The following GLB1 variants were observed in gnomAD, a reference collection of about 807,000 sequenced individuals.
The protein encoded by GLB1 is galactosidase beta 1.
Under a neutral mutation model 74.0 loss-of-function variants are expected in GLB1, and 56 were observed. That is an observed-to-expected ratio of 0.76 (90% CI 0.61 to 0.94). The LOEUF (loss-of-function observed/expected upper bound fraction) is 0.94. Ranked by LOEUF, GLB1 falls within the 40% of genes least tolerant of loss-of-function variation. GLB1 has a pLI of 0.00. For synonymous variants in GLB1, 323 were observed against 323.6 expected (o/e 1.00, Z 0.02); for missense variants, 787 against 845.5 (o/e 0.93, Z 0.86).
the GLB1 span, among the ~76,000 whole-genome samples, chr3:32,980,220 C>A: frequency 2.0e-5 from 3 of 152,274 alleles, no homozygotes; most frequent in African/African-American, 7.2e-5. Context: ...TCCCTCCTTA[C>A]TTAAATTTTT....
intron 5 of GLB1, among the ~76,000 whole-genome samples, chr3:33,064,941 A>G (rs886268412): frequency 6.6e-6 from 1 of 152,174 alleles, no homozygotes; most frequent in African/African-American, 2.4e-5. Context: ...CACATAGAAG[A>G]AGGAGAATGG....
the GLB1 span, among the ~76,000 whole-genome samples, chr3:32,979,956 G>T: frequency 2.6e-4 from 39 of 150,876 alleles, no homozygotes; most frequent in Non-Finnish European, 4.1e-4. Context: ...CATAATAATT[G>T]TACATATTTA....
intron 1 of GLB1, among the ~76,000 whole-genome samples, chr3:33,075,901 C>T (rs1311242039): frequency 2.6e-5 from 4 of 151,856 alleles, no homozygotes; most frequent in Non-Finnish European, 5.9e-5. Flanking sequence ...AAAAATTAGC[C>T]GGGCGTGGTG....
In GLB1 at chr3:33,016,854, G is replaced by T; in HGVS notation, c.1348-14C>A. 1 of 1,613,508 alleles carries T rather than the reference G, an allele frequency of 6.2e-7. No individual in the cohort carries two copies. Among genetic ancestry groups the T allele is most frequent in the Non-Finnish European group, 8.5e-7 (1 of 1,179,570 alleles). On this transcript the variant is annotated splice_polypyrimidine_tract_variant and intron_variant, in intron 13 of 15. Transcript: ENST00000307363. The stretch of plus-strand genomic sequence containing the variant: ...TCCCTGGGGGATCTGTGGGGTTCAA[G>T]ACCAAATGACAATTGAATTGAGGGT...
intron 6 of GLB1, among the ~76,000 whole-genome samples, chr3:33,056,053 C>A (rs898525219): frequency 6.6e-6 from 1 of 151,242 alleles, no homozygotes; most frequent in Non-Finnish European, 1.5e-5. Context: ...CATGGTGAAA[C>A]CCTGTCTCTA....
At chr3:32,970,904 T>C in the GLB1 span, among the ~76,000 whole-genome samples, 1 of 152,344 alleles carries the variant, frequency 6.6e-6, no homozygotes, top group Non-Finnish European at 1.5e-5. Flanking sequence ...AGAGAGCTTA[T>C]AGCTCAAACC....
intron 5 of GLB1, among the ~76,000 whole-genome samples, chr3:33,063,172 G>A (rs1010435888): frequency 4.6e-5 from 7 of 152,078 alleles, no homozygotes; most frequent in South Asian, 4.1e-4. Context: ...ATGAAAAAGT[G>A]CTCATGACAA....
intron 6 of GLB1, 62 bp from the exon 7 acceptor site, chr3:33,053,611 AGAGCCCTTCATGGGACTC>A: frequency 6.2e-7 from 1 of 1,609,328 alleles, no homozygotes; most frequent in South Asian, 1.1e-5. Context: ...TTAAATAACA[AGAGCCCTTCATGGGACTC>A]GGGCCTGAAG....
chr3:33,081,516 T>C (rs938194724), intron 1 of GLB1, among the ~76,000 whole-genome samples: 5 of 152,282 alleles, frequency 3.3e-5, no homozygotes, highest in Admixed American at 2.0e-4. Flanking sequence ...CCCCACTACC[T>C]GGCTCTATTC....
intron 1 of GLB1, chr3:33,092,136 G>C (rs1360589747): frequency 1.0e-6 from 1 of 985,254 alleles, no homozygotes; most frequent in Non-Finnish European, 1.2e-6. Context: ...CACCATCACC[G>C]ACCATGGCGC....
At position 33,024,279 on chromosome 3, in the gene GLB1, A is replaced by T; in HGVS notation, c.1115T>A (p.Phe372Tyr). ...TTCCAAAGTGACCTTTCCATATGCAAACTTTGGTGTAGATGGAGGGATAGG... is the reference window on the plus strand; with the variant it reads ...TTCCAAAGTGACCTTTCCATATGCATACTTTGGTGTAGATGGAGGGATAGG... ...EGPIPPSTPK[F>Y]AYGKVTLEKL... The change falls in exon 11 of 16, where the codon TTT becomes TAT. Residue 372 changes from phenylalanine (F) to tyrosine (Y), a missense_variant. Transcript: ENST00000307363. The T allele has an allele frequency of 6.2e-7, 1 of 1,613,300 alleles. No homozygotes were observed. The highest frequency in any genetic ancestry group is 1.1e-5 in the South Asian group (1 of 90,992).
intron 10 of GLB1, among the ~76,000 whole-genome samples, chr3:33,032,697 A>G (rs1010331482): frequency 2.0e-5 from 3 of 152,178 alleles, no homozygotes; most frequent in Admixed American, 6.5e-5. Flanking sequence ...TGCTGGGGTT[A>G]CAGGCAAGAG....
At chr3:32,972,240 G>T in the GLB1 span, among the ~76,000 whole-genome samples, 2,417 of 152,174 alleles carry the variant, frequency 0.016, 65 homozygotes, top group African/African-American at 0.055. Context: ...TAGATTTATT[G>T]GCAATCCAAG....
At chr3:33,088,368 TACACACACACAC>T (rs55949952) in intron 1 of GLB1, among the ~76,000 whole-genome samples, 56 of 141,818 alleles carry the variant, frequency 3.9e-4, no homozygotes, top group East Asian at 1.2e-3. Context: ...CCCTAAAGAC[TACACACACACAC>T]ACACACACAC....
chr3:32,981,901 T>G, the GLB1 span, among the ~76,000 whole-genome samples: 1 of 152,280 alleles, frequency 6.6e-6, no homozygotes, highest in African/African-American at 2.4e-5. Flanking sequence ...TCATATGTTT[T>G]CAACTTGATT....
chr3:33,018,272 C>A (rs925140431), intron 13 of GLB1, among the ~76,000 whole-genome samples, 176 bp downstream of exon 13: 1 of 96,146 alleles, frequency 1.0e-5, no homozygotes, highest in South Asian at 3.7e-4. Flanking sequence ...GGCAACAGAG[C>A]AAAACCCTGT....
At chr3:33,094,971 G>A (rs919425701) in intron 1 of GLB1, among the ~76,000 whole-genome samples, 5 of 152,208 alleles carry the variant, frequency 3.3e-5, no homozygotes, top group Admixed American at 3.3e-4. Flanking sequence ...AGCACTTTGG[G>A]AGGCCGAGGC....
At chr3:33,025,193 C>T (rs956591276) in intron 10 of GLB1, among the ~76,000 whole-genome samples, 8 of 152,350 alleles carry the variant, frequency 5.3e-5, no homozygotes, top group Admixed American at 4.6e-4. Flanking sequence ...GATCCGCCCG[C>T]CTCAGCCTCC....
the GLB1 span, among the ~76,000 whole-genome samples, chr3:32,961,764 T>C: frequency 1.3e-5 from 2 of 152,258 alleles, no homozygotes; most frequent in East Asian, 1.9e-4. Flanking sequence ...TGATAAAATA[T>C]GTCTATCTCA....
Sources: allele counts gnomAD v4.1 joint callset (sites outside exome capture counted in the v4.1 genomes callset), GRCh38; gene constraint gnomAD v4.1.1; transcripts MANE v1.5; gene names NCBI Gene and HGNC (gene_info 2026-07-23, HGNC 2026-07-21).